Variants in TIAM1 observed in about 807,000 individuals in gnomAD.
TIAM1 encodes TIAM Rac1 associated GEF 1, also known as rho guanine nucleotide exchange factor TIAM1.
Under a neutral mutation model 163.5 loss-of-function variants are expected in TIAM1, and 65 were observed. The observed-to-expected ratio is 0.40, with a 90% CI of 0.33 to 0.49. The LOEUF is 0.49. Ranked by LOEUF, TIAM1 falls within the 20% of genes least tolerant of loss-of-function variation. The pLI is 0.77. For missense variants in TIAM1, 1,789 were observed against 2,044.7 expected (o/e 0.87, Z 2.41); for synonymous variants, 833 against 810.1 (o/e 1.03, Z -0.48).
chr21:31,190,157 C>T (rs902551298), intron 13 of TIAM1, among the ~76,000 whole-genome samples: 60 of 152,286 alleles, frequency 3.9e-4, no homozygotes, highest in African/African-American at 1.4e-3. Context: ...ATAATCCCAG[C>T]ACTCTTGGAA....
At chr21:31,121,915 G>A (rs957347313) in intron 27 of TIAM1, among the ~76,000 whole-genome samples, 1 of 152,228 alleles carries the variant, frequency 6.6e-6, no homozygotes, top group Non-Finnish European at 1.5e-5. Flanking sequence ...AAGGTGAAAT[G>A]CAACACGGGC....
chr21:31,451,718 C>CGTGTGTGT lies in TIAM1; in HGVS notation c.-369+12257_-369+12264dup, dbSNP rs59110882. Among the ~76,000 whole-genome samples, 609 of 142,240 alleles carry CGTGTGTGT rather than the reference C, an allele frequency of 4.3e-3. 4 individuals are homozygous for CGTGTGTGT. The highest frequency in any genetic ancestry group is 0.01 in the African/African-American group (400 of 38,366). 93.3% of individuals were successfully genotyped at this position (142,240 alleles called of 152,430 possible). A position where few individuals can be genotyped will look rare whatever the true frequency, so the allele number is the denominator to read the frequency against. On this transcript the variant is annotated intron_variant, in intron 2 of 28. Coordinates refer to the TIAM1 transcript ENST00000286827. Reference sequence around the variant, plus strand: ...CAGGCTGAGTGAAAGCATGTGTGTGCGTGTGTGTGTGTGTGTGTGTGTGTG... The same window carrying CGTGTGTGT: ...CAGGCTGAGTGAAAGCATGTGTGTGCGTGTGTGTGTGTGTGTGTGTGTGTGTGTGTGTG...
In TIAM1 at chr21:31,294,184, G is replaced by C. The variant is rs2146927683; in HGVS notation, c.-188-17276C>G. Among the ~76,000 whole-genome samples the C allele has an allele frequency of 6.6e-5, 10 of 152,318 alleles. 2 individuals are homozygous for C. In the South Asian group the frequency reaches 2.1e-3, roughly 32 times the overall value. Reference sequence around the variant, plus strand: ...CAGCAGTGGGGAGGGAGGTTGGAATGATTGTTCAACAGCCTCCCACTCCCT... The same window carrying C: ...CAGCAGTGGGGAGGGAGGTTGGAATCATTGTTCAACAGCCTCCCACTCCCT... On this transcript the variant is annotated intron_variant, in intron 2 of 27. Coordinates refer to ENST00000541036, the MANE Select transcript of TIAM1 (RefSeq NM_001353694.2).
intron 2 of TIAM1, among the ~76,000 whole-genome samples, chr21:31,389,893 T>G (rs1391764738): frequency 6.6e-6 from 1 of 152,222 alleles, no homozygotes; most frequent in Non-Finnish European, 1.5e-5. Context: ...CTCTTCATTC[T>G]GCACTCCACC....
chr21:31,230,526 C>A (rs1037433615), intron 6 of TIAM1, among the ~76,000 whole-genome samples: 1 of 151,958 alleles, frequency 6.6e-6, no homozygotes, highest in Non-Finnish European at 1.5e-5. Context: ...ATTACCCATT[C>A]GATAATTATT....
In TIAM1 at chr21:31,217,664, T is replaced by C; in HGVS notation, c.2031A>G (p.Arg677=). The C allele has an allele frequency of 6.2e-7, 1 of 1,613,810 alleles. No homozygotes were observed. The highest frequency in any genetic ancestry group is 8.5e-7 in the Non-Finnish European group (1 of 1,179,858). Residue 677 remains arginine (R), a synonymous_variant, in exon 9 of 28, where the codon AGA becomes AGG. Coordinates refer to ENST00000541036, the MANE Select transcript of TIAM1 (RefSeq NM_001353694.2). ...AARTGETGVR[R]RTQAMSRSAS... ...CGGATCTGGACATGGCCTGAGTACG[T>C]CTTCTCACTCCAGTTTCACCAGTGC...
At chr21:31,396,584 A>G (rs537135347) in intron 2 of TIAM1, among the ~76,000 whole-genome samples, 109 of 141,030 alleles carry the variant, frequency 7.7e-4, no homozygotes, top group African/African-American at 2.9e-3. Flanking sequence ...TTAATATAAT[A>G]ATATGAAATA....
chr21:31,371,988 A>G (rs1279092792), intron 2 of TIAM1, among the ~76,000 whole-genome samples: 2 of 152,184 alleles, frequency 1.3e-5, no homozygotes, highest in Admixed American at 1.3e-4. Context: ...ACTATTCTTG[A>G]AATTTAATTA....
At chr21:31,443,530 G>A (rs1417176906) in intron 2 of TIAM1, among the ~76,000 whole-genome samples, 1 of 151,968 alleles carries the variant, frequency 6.6e-6, no homozygotes, top group Admixed American at 6.6e-5. Context: ...AGCCTCTCTT[G>A]CCTTCCTTGC....
intron 14 of TIAM1, among the ~76,000 whole-genome samples, chr21:31,186,202 G>C (rs527564468): frequency 6.6e-6 from 1 of 152,184 alleles, no homozygotes; most frequent in Admixed American, 6.5e-5. Flanking sequence ...AGGATGTAGC[G>C]GGGAAGCGCT....
Position 31,475,813 on chromosome 21 carries a change from T to A in TIAM1, c.-421-11778A>T, listed in dbSNP as rs557101920. Among the ~76,000 whole-genome samples, 4 of 152,298 alleles carry A rather than the reference T, an allele frequency of 2.6e-5. No individual in the cohort carries two copies. The South Asian group carries it at 6.2e-4, about 24-fold the overall frequency. On this transcript the variant is annotated intron_variant, in intron 1 of 28. Transcript: ENST00000286827. ...TTGGCCTGGAGTTCTCCTGAGCAAA[T>A]CCTAATTCTAACCAAAAGTTATGGG...
chr21:31,322,469 G>C (rs908070485), intron 2 of TIAM1, among the ~76,000 whole-genome samples: 4 of 151,282 alleles, frequency 2.6e-5, no homozygotes, highest in African/African-American at 9.7e-5. Flanking sequence ...GCCATCATCT[G>C]CCATCTTATA....
At chr21:31,421,502 C>T (rs774873128) in intron 2 of TIAM1, among the ~76,000 whole-genome samples, 4 of 152,192 alleles carry the variant, frequency 2.6e-5, no homozygotes, top group Non-Finnish European at 4.4e-5. Flanking sequence ...ATCAGATTCT[C>T]ATAGGAGCAT....
rs1390254088 is a variant in TIAM1, at chr21:31,245,610, T to C, written c.1462A>G (p.Asn488Asp). 8.1e-6 allele frequency: 13 copies of C among 1,606,088 alleles called. No individual in the cohort carries two copies. Among genetic ancestry groups the C allele is most frequent in the Non-Finnish European group, 1.1e-5 (13 of 1,176,336 alleles). Residue 488 changes from asparagine to aspartate, a missense_variant, in exon 6 of 28, where the codon AAC (asparagine) becomes GAC (aspartate). Around this residue, in one of 5 missense-constraint regions of TIAM1, gnomAD observed 456 missense variants for 586.6 expected, o/e 0.78. Coordinates refer to ENST00000541036, the MANE Select transcript of TIAM1 (RefSeq NM_001353694.2). ...CAGACGGCGTGTTTGGGGATGCTGT[T>C]GTGGTCTATCCCAGACCTGCCGTCG... ...ESDGRSGIDHNSIPKHAVWVE... is the reference protein window; with the variant it reads ...ESDGRSGIDHDSIPKHAVWVE...
intron 6 of TIAM1, among the ~76,000 whole-genome samples, chr21:31,229,095 TATC>T (rs2088238178): frequency 6.6e-6 from 1 of 152,128 alleles, no homozygotes; most frequent in Admixed American, 6.5e-5. Flanking sequence ...AGCCAAACCA[TATC>T]AAGTATCAAC....
chr21:31,233,954 C>A (rs1242543933), intron 6 of TIAM1, among the ~76,000 whole-genome samples: 2 of 152,220 alleles, frequency 1.3e-5, no homozygotes, highest in Non-Finnish European at 1.5e-5. Context: ...CAAGAAAAGA[C>A]TCACAAATAA....
At chr21:31,334,610 A>G (rs2256839) in intron 2 of TIAM1, among the ~76,000 whole-genome samples, 16,628 of 152,076 alleles carry the variant, frequency 0.11, 1,275 homozygotes, top group East Asian at 0.43. Context: ...AGGCCTCTGG[A>G]AAGAATTTTT....
chr21:31,502,179 T>G (rs978538479), intron 1 of TIAM1, among the ~76,000 whole-genome samples: 1 of 151,964 alleles, frequency 6.6e-6, no homozygotes, highest in African/African-American at 2.4e-5. Context: ...AAGTAACATA[T>G]CTTAAAGAAA....
chr21:31,165,951 T>C (rs2084193744), intron 15 of TIAM1, among the ~76,000 whole-genome samples: 2 of 152,206 alleles, frequency 1.3e-5, no homozygotes, highest in African/African-American at 4.8e-5. Context: ...CCTTTGCTAT[T>C]TACTGAGTGC....
Sources: gnomAD v4.1 joint callset for allele counts (sites outside exome capture counted in the v4.1 genomes callset) on GRCh38, gnomAD v4.1.1 for gene constraint, gnomAD v4.1.1 regional missense constraint, MANE v1.5 for transcripts, NCBI Gene and HGNC (gene_info 2026-07-23, HGNC 2026-07-21) for gene names.